Variants in FLG2 observed in about 807,000 individuals in gnomAD.
FLG2 encodes filaggrin-2.
Under a neutral mutation model 3.9 loss-of-function variants are expected in FLG2, and 7 were observed. The ratio of observed to expected loss-of-function variants is 1.79; its 90% CI spans 1.02 to 3.36. The LOEUF is 3.36. Ranked by LOEUF, FLG2 falls within the 30% of genes most tolerant of loss-of-function variation. The pLI is 0.00. For missense variants in FLG2, 2,700 were observed against 2,809.4 expected (o/e 0.96, Z 0.88); for synonymous variants, 1,031 against 1,056.1 (o/e 0.98, Z 0.46).
chr1:152,352,785 G>C lies in FLG2; in HGVS notation c.5001C>G (p.His1667Gln). The stretch of plus-strand genomic sequence containing the variant: ...GACCATGAGTGTGTCCTGTATGTGT[G>C]TGTGAGACCCCTGAGTGCACTTCAC... ...SDSEVHSGVSHTHTGHTHGQA... is the reference protein window; with the variant it reads ...SDSEVHSGVSQTHTGHTHGQA... The change falls in exon 3 of 3, where the codon CAC (histidine) becomes CAG (glutamine). Residue 1667 changes from histidine to glutamine, a missense_variant. His to Gln is a conservative substitution (Grantham distance 24). Coordinates refer to ENST00000388718, the MANE Select transcript of FLG2 (RefSeq NM_001014342.3). 6.2e-7 allele frequency: 1 copy of C among 1,612,644 alleles called. No homozygotes were observed. Among genetic ancestry groups the C allele is most frequent in the Non-Finnish European group, 8.5e-7 (1 of 1,179,596 alleles).
At position 152,357,009 on chromosome 1, in the gene FLG2, T is replaced by C; in HGVS notation, c.777A>G (p.Arg259=). 6.2e-7 allele frequency: 1 copy of C among 1,614,232 alleles called. No homozygotes were observed. The change falls in exon 3 of 3, where the codon AGA becomes AGG. Residue 259 remains arginine (R), a synonymous_variant. Transcript: ENST00000388718. ...HESNSTQSRI[R]EQKLGSSCSG... ...AACAGCTAGACCCAAGCTTTTGTTC[T>C]CTAATTCTTGACTGAGTAGAGTTTG... is the stretch of plus-strand genomic sequence containing the variant.
chr1:152,354,110 C>T lies in FLG2; in HGVS notation c.3676G>A (p.Val1226Ile), dbSNP rs1335362445. Residue 1226 changes from valine (V) to isoleucine (I), a missense_variant, in exon 3 of 3, where the codon GTA becomes ATA. Physicochemically the swap from Val to Ile is conservative, Grantham distance 29. Coordinates refer to ENST00000388718, the MANE Select transcript of FLG2 (RefSeq NM_001014342.3). Reference protein sequence around the residue: ...TGLGQGESQQVESGSTVHGRQ... With the variant: ...TGLGQGESQQIESGSTVHGRQ... ...CCATGAACTGTGGATCCTGACTCTACTTGTTGAGATTCACCCTGGCCCAAG... is the reference window on the plus strand; with the variant it reads ...CCATGAACTGTGGATCCTGACTCTATTTGTTGAGATTCACCCTGGCCCAAG... 6.2e-7 allele frequency: 1 copy of T among 1,614,148 alleles called. No individual in the cohort carries two copies. The highest frequency in any genetic ancestry group is 1.7e-5 in the Admixed American group (1 of 60,014).
Position 152,350,836 on chromosome 1 carries a change from T to C in FLG2, c.6950A>G (p.Gln2317Arg), listed in dbSNP as rs768970100. ...HGHSGYGQSTQTGSRSSRASH... is the reference protein window; with the variant it reads ...HGHSGYGQSTRTGSRSSRASH... ...TGCTCTACTAGATCTGGAACCTGTC[T>C]GTGTGGATTGTCCATAACCAGAATG... The change falls in exon 3 of 3, where the codon CAG (glutamine) becomes CGG (arginine). Residue 2317 changes from glutamine (Q) to arginine (R), a missense_variant. Transcript: ENST00000388718. The C allele has an allele frequency of 4.1e-5, 66 of 1,614,218 alleles. No individual in the cohort carries two copies. The South Asian group carries it at 6.9e-4, about 17-fold the overall frequency.
chr1:152,358,934 T>C (rs1194384074), intron 1 of FLG2, 28 bp from the exon 2 acceptor site: 1 of 1,563,108 alleles, frequency 6.4e-7, no homozygotes, highest in Admixed American at 2.0e-5. Flanking sequence ...AAGAACCCTA[T>C]TATTCATATT....
Position 152,352,789 on chromosome 1 carries a change from G to T in FLG2, c.4997C>A (p.Ser1666Ter). 6.2e-7 allele frequency: 1 copy of T among 1,613,964 alleles called. No individual in the cohort carries two copies. ...ATGAGTGTGTCCTGTATGTGTGTGT[G>T]AGACCCCTGAGTGCACTTCACTGTC... ...SSDSEVHSGV[S>*]HTHTGHTHGQ... The change falls in exon 3 of 3, where the codon TCA (serine) becomes TAA (stop). Residue 1666 changes from serine (S) to a stop codon, truncating the protein, a stop_gained. Transcript: ENST00000388718. LOFTEE classifies it low-confidence loss of function (END_TRUNC).
Position 152,355,171 on chromosome 1 carries a change from C to T in FLG2, c.2615G>A (p.Gly872Glu), listed in dbSNP as rs1446295665. ...TTGACCTGAGCTTGACCTGTGTTGT[C>T]CAAAGCCAGATGTCTGTCCCGAACT... ...GSSSGQTSGF[G>E]QHRSSSGQYS... The change falls in exon 3 of 3, where the codon GGA (glycine) becomes GAA (glutamate). Residue 872 changes from glycine (G) to glutamate (E), a missense_variant. Gly to Glu is a moderately conservative substitution (Grantham distance 98). Coordinates refer to ENST00000388718, the MANE Select transcript of FLG2 (RefSeq NM_001014342.3). 1.3e-6 allele frequency: 2 copies of T among 1,564,586 alleles called. No homozygotes were observed. The highest frequency in any genetic ancestry group is 1.3e-5 in the African/African-American group (1 of 74,296).
rs79983774 is a variant in FLG2, at chr1:152,351,921, G to A, written c.5865C>T (p.His1955=). Residue 1955 remains histidine (H), a synonymous_variant, in exon 3 of 3, where the codon CAC becomes CAT. Coordinates refer to ENST00000388718, the MANE Select transcript of FLG2 (RefSeq NM_001014342.3). Reference sequence around the variant, plus strand: ...GCCCTTCACTGTCACTGTACTCACTGTGGCCAGATCCCCTTCTTCCAGTTG... The same window carrying A: ...GCCCTTCACTGTCACTGTACTCACTATGGCCAGATCCCCTTCTTCCAGTTG... ...SRTTGRRGSG[H]SEYSDSEGPS... is the part of the protein sequence containing the mutation. 18,555 of 1,613,720 alleles carry A rather than the reference G, an allele frequency of 0.011. 1,411 individuals carry two copies. In the African/African-American group the frequency reaches 0.2, roughly 17 times the overall value.
Position 152,355,774 on chromosome 1 carries a change from T to C in FLG2, c.2012A>G (p.His671Arg). 6.2e-7 allele frequency: 1 copy of C among 1,613,312 alleles called. No homozygotes were observed. The highest frequency in any genetic ancestry group is 1.3e-5 in the African/African-American group (1 of 74,728). ...AGAGGATTGTCCTGAGCCAGAAACA[T>C]GTTGTCCAAAGCCAGAGGACTGACC... is the stretch of plus-strand genomic sequence containing the variant. Reference protein sequence around the residue: ...GSGQSSGFGQHVSGSGQSSGF... With the variant: ...GSGQSSGFGQRVSGSGQSSGF... The change falls in exon 3 of 3, where the codon CAT becomes CGT. Residue 671 changes from histidine (H) to arginine (R), a missense_variant. His to Arg is a conservative substitution (Grantham distance 29). Coordinates refer to ENST00000388718, the MANE Select transcript of FLG2 (RefSeq NM_001014342.3).
Position 152,353,706 on chromosome 1 carries a change from T to G in FLG2, c.4080A>C (p.Ser1360=). 6.2e-7 allele frequency: 1 copy of G among 1,614,030 alleles called. No individual in the cohort carries two copies. The highest frequency in any genetic ancestry group is 8.5e-7 in the Non-Finnish European group (1 of 1,179,956). The change falls in exon 3 of 3, where the codon TCA becomes TCC. Residue 1360 remains serine, a synonymous_variant. Transcript: ENST00000388718. ...TTTGTTCTTGTGAGTGTGGTCTATG[T>G]GAGACCCCTGAGTGCACTTCACTGT... is the stretch of plus-strand genomic sequence containing the variant. The part of the protein sequence containing the change: ...ATDSEVHSGV[S]HRPHSQEQTH...
In FLG2 at chr1:152,356,891, GACA is replaced by G; in HGVS notation, c.892_894del (p.Cys298del). ...CCTTGCCCTCCAAATCTATGTGACTGACAAGAACTTGAAGCATTTTGTGGCCTT... is the reference window on the plus strand; with the variant it reads ...CCTTGCCCTCCAAATCTATGTGACTGAGAACTTGAAGCATTTTGTGGCCTT... On this transcript the variant is annotated inframe_deletion, in exon 3 of 3. Coordinates refer to ENST00000388718, the MANE Select transcript of FLG2 (RefSeq NM_001014342.3). The G allele has an allele frequency of 6.2e-7, 1 of 1,614,174 alleles. No individual in the cohort carries two copies. The highest frequency in any genetic ancestry group is 8.5e-7 in the Non-Finnish European group (1 of 1,180,032).
rs754337153 is a variant in FLG2 at position 152,352,893 on chromosome 1, G to T, written c.4893C>A (p.Ser1631=). 1 of 1,613,582 alleles carries T rather than the reference G, an allele frequency of 6.2e-7. No individual in the cohort carries two copies. The highest frequency in any genetic ancestry group is 2.2e-5 in the East Asian group (1 of 44,826). ...HGQIGDTTGH[S]HSGHGQSTQR... ...GTGTGGACTGTCCATGACCAGAGTGGGAATGTCCAGTGGTATCTCCTATCT... is the reference window on the plus strand; with the variant it reads ...GTGTGGACTGTCCATGACCAGAGTGTGAATGTCCAGTGGTATCTCCTATCT... Residue 1631 remains serine (S), a synonymous_variant, in exon 3 of 3, where the codon TCC becomes TCA. Transcript: ENST00000388718.
At chr1:152,357,690 C>T (rs142211912) in intron 2 of FLG2, 43 bp from the exon 3 acceptor site, 12 of 1,389,330 alleles carry the variant, frequency 8.6e-6, no homozygotes, top group African/African-American at 4.3e-5. Flanking sequence ...GTCAGCCTAA[C>T]CTGCATACTC....
Position 152,351,304 on chromosome 1 carries a change from C to G in FLG2, c.6482G>C (p.Gly2161Ala). The change falls in exon 3 of 3, where the codon GGT becomes GCT. Residue 2161 changes from glycine to alanine, a missense_variant. Coordinates refer to ENST00000388718, the MANE Select transcript of FLG2 (RefSeq NM_001014342.3). ...ACCTGTCTGTGTGGACTGTCCATGA[C>G]CAGACTGGCCATGTCTAGTGGTATC... Reference protein sequence around the residue: ...TGDTTRHGQSGHGQSTQTGSR... With the variant: ...TGDTTRHGQSAHGQSTQTGSR... 6.2e-7 allele frequency: 1 copy of G among 1,613,982 alleles called. No homozygotes were observed.
chr1:152,358,969 T>C (rs917157516), intron 1 of FLG2, 63 bp from the exon 2 acceptor site: 2 of 1,425,918 alleles, frequency 1.4e-6, no homozygotes, highest in African/African-American at 2.9e-5. Flanking sequence ...GCAATTTTCA[T>C]TTTAATAATA....
chr1:152,358,812 A>G lies in FLG2; in HGVS notation c.73T>C (p.Cys25Arg). The G allele has an allele frequency of 1.9e-6, 3 of 1,613,804 alleles. No homozygotes were observed. The highest frequency in any genetic ancestry group is 2.5e-6 in the Non-Finnish European group (3 of 1,179,906). ...FYKYTKQDGECGTLSKGELKE... is the reference protein window; with the variant it reads ...FYKYTKQDGERGTLSKGELKE... The stretch of plus-strand genomic sequence containing the variant: ...AGTTCACCCTTGCTCAGTGTGCCAC[A>G]CTCCCCATCTTGCTTGGTGTATTTG... The change falls in exon 2 of 3, where the codon TGT becomes CGT. Residue 25 changes from cysteine to arginine, a missense_variant. Physicochemically the swap from Cys to Arg is radical, Grantham distance 180. Coordinates refer to ENST00000388718, the MANE Select transcript of FLG2 (RefSeq NM_001014342.3).
rs149294520 is a variant in FLG2 at position 152,356,578 on chromosome 1, C to T, written c.1208G>A (p.Arg403His). The change falls in exon 3 of 3, where the codon CGC (arginine) becomes CAC (histidine). Residue 403 changes from arginine to histidine, a missense_variant. Transcript: ENST00000388718. ...ATTTGAACTAGAAGAGTTTGAAAAG[C>T]GGCCACAGGAACCATATTCATGTTG... is the stretch of plus-strand genomic sequence containing the variant. ...NGQHEYGSCG[R>H]FSNSSSSNEF... 6.3e-5 allele frequency: 102 copies of T among 1,614,146 alleles called. 1 individual carries two copies. The highest frequency in any genetic ancestry group is 4.3e-4 in the Admixed American group (26 of 60,026).
chr1:152,358,649 G>C (rs1423366235), intron 2 of FLG2, 98 bp downstream of exon 2: 3 of 1,205,446 alleles, frequency 2.5e-6, no homozygotes, highest in Non-Finnish European at 1.2e-6. Context: ...AGTTTGCTTA[G>C]AGTTCACTGG....
In FLG2 at chr1:152,351,808, C is replaced by G. The variant is rs749984830; in HGVS notation, c.5978G>C (p.Arg1993Thr). The change falls in exon 3 of 3, where the codon AGA (arginine) becomes ACA (threonine). Residue 1993 changes from arginine (R) to threonine (T), a missense_variant. Coordinates refer to ENST00000388718, the MANE Select transcript of FLG2 (RefSeq NM_001014342.3). ...TGTTTGTCCATGAGTAGTTCCGTGT[C>G]TCTCATGAACTGAGGATCCTGACTC... Reference protein sequence around the residue: ...YPESGSSVHERHGTTHGQTAD... With the variant: ...YPESGSSVHETHGTTHGQTAD... 1.9e-6 allele frequency: 3 copies of G among 1,612,714 alleles called. No individual in the cohort carries two copies. Among genetic ancestry groups the G allele is most frequent in the Admixed American group, 1.7e-5 (1 of 59,882 alleles).
Position 152,352,309 on chromosome 1 carries a change from T to C in FLG2, c.5477A>G (p.His1826Arg). 6 of 1,613,412 alleles carry C rather than the reference T, an allele frequency of 3.7e-6. No homozygotes were observed. The African/African-American group carries it at 4.0e-5, about 11-fold the overall frequency. The change falls in exon 3 of 3, where the codon CAC (histidine) becomes CGC (arginine). Residue 1826 changes from histidine to arginine, a missense_variant. By Grantham distance (29) the His-to-Arg change is conservative. Transcript: ENST00000388718. Reference sequence around the variant, plus strand: ...TCCATGTTGAGATCCAGCCTGGCCGTGAGTGTGTCCTCGTGAGTGTGGTCT... The same window carrying C: ...TCCATGTTGAGATCCAGCCTGGCCGCGAGTGTGTCCTCGTGAGTGTGGTCT... The part of the protein sequence containing the change: ...SQRPHSRGHT[H>R]GQAGSQHGES...
Sources: allele counts gnomAD v4.1 joint callset, GRCh38; gene constraint gnomAD v4.1.1; transcripts MANE v1.5; gene names NCBI Gene and HGNC (gene_info 2026-07-23, HGNC 2026-07-21).